The following GOLM2 variants were observed in gnomAD, a reference collection of about 807,000 sequenced individuals.
GOLM2 encodes protein GOLM2.
Under a neutral mutation model 55.9 loss-of-function variants are expected in GOLM2, and 26 were observed. The ratio of observed to expected loss-of-function variants is 0.47; its 90% CI spans 0.34 to 0.65. The LOEUF (loss-of-function observed/expected upper bound fraction) is 0.65. Ranked by LOEUF, GOLM2 falls within the 30% of genes least tolerant of loss-of-function variation. The pLI, the probability that GOLM2 is intolerant of heterozygous loss-of-function variation, is 0.01. For synonymous variants in GOLM2, 165 were observed against 194.6 expected, an observed-to-expected ratio of 0.85 and a Z score of 1.27; for missense variants, 486 against 531.8, an observed-to-expected ratio of 0.91 and a Z score of 0.85.
chr15:44,316,628 G>A lies in GOLM2; in HGVS notation c.328-6337G>A, dbSNP rs893162115. On this transcript the variant is annotated intron_variant, in intron 1 of 9. Coordinates refer to ENST00000299957, the MANE Select transcript of GOLM2 (RefSeq NM_138423.4). ...AACTTAGCTGGGCGTGGTGGCAGGC[G>A]CCTGTAATCCCAGCTGCCCAGGAGG... Among the ~76,000 whole-genome samples the A allele has an allele frequency of 1.6e-4, 25 of 152,076 alleles. No homozygotes were observed. The East Asian group carries it at 1.9e-3, about 12-fold the overall frequency.
chr15:44,379,371 G>A (rs1270074211), intron 6 of GOLM2, among the ~76,000 whole-genome samples: 6 of 152,006 alleles, frequency 3.9e-5, no homozygotes, highest in South Asian at 2.1e-4. Flanking sequence ...TAGCTATTAC[G>A]GAGGCTGAGG....
At chr15:44,391,710 G>A (rs771942146) in intron 8 of GOLM2, among the ~76,000 whole-genome samples, 11 of 152,070 alleles carry the variant, frequency 7.2e-5, no homozygotes, top group African/African-American at 1.9e-4. Context: ...AATGGCCAAT[G>A]TCCTAGAAAA....
At chr15:44,398,748 C>T (rs2079544134) in intron 8 of GOLM2, among the ~76,000 whole-genome samples, 1 of 147,492 alleles carries the variant, frequency 6.8e-6, no homozygotes, top group Non-Finnish European at 1.5e-5. Flanking sequence ...CTCACTGCAA[C>T]CTCCACCTCC....
At position 44,369,116 on chromosome 15, in the gene GOLM2, T is replaced by C. The variant is rs868616515; in HGVS notation, c.803-10574T>C. On this transcript the variant is annotated intron_variant, in intron 6 of 9. Coordinates refer to ENST00000299957, the MANE Select transcript of GOLM2 (RefSeq NM_138423.4). ...ATATATATATATATATATATATATA[T>C]ACCCGGCTACCACACCCGGCCACCT... 5.2e-4 allele frequency among the ~76,000 whole-genome samples: 50 copies of C among 95,772 alleles called. 1 individual carries two copies. The highest frequency in any genetic ancestry group is 1.5e-3 in the African/African-American group (38 of 25,300). The allele number at this position is 95,772 out of a possible 152,430, so 62.8% of individuals were successfully genotyped here.
rs145697443 is a variant in GOLM2 at position 44,380,871 on chromosome 15, C to T, written c.967C>T (p.Arg323Cys). 3.6e-5 allele frequency: 57 copies of T among 1,597,802 alleles called. No individual in the cohort carries two copies. In the African/African-American group the frequency reaches 5.8e-4, roughly 16 times the overall value. Reference protein sequence around the residue: ...SKQNPSSPLQRLIPGSNLDSE... With the variant: ...SKQNPSSPLQCLIPGSNLDSE... ...ACAGAATCCTTCCAGTCCTCTTCAG[C>T]GTTTAATTCCAGGCTCAAACTTGGA... Residue 323 changes from arginine (R) to cysteine (C), a missense_variant, in exon 8 of 10, where the codon CGT (arginine) becomes TGT (cysteine). By Grantham distance (180) the Arg-to-Cys change is radical (BLOSUM62 -3). Transcript: ENST00000299957.
At chr15:44,407,787 T>G (rs1047114486) in intron 9 of GOLM2, among the ~76,000 whole-genome samples, 4 of 150,954 alleles carry the variant, frequency 2.6e-5, no homozygotes, top group Non-Finnish European at 5.9e-5. Flanking sequence ...TTTTTTTTTT[T>G]GTCGCCCAGG....
At chr15:44,335,017 G>A (rs956854700) in intron 4 of GOLM2, among the ~76,000 whole-genome samples, 5 of 152,084 alleles carry the variant, frequency 3.3e-5, no homozygotes, top group East Asian at 1.9e-4. Context: ...ACAGCAGAAC[G>A]AGACTACATC....
chr15:44,369,113 A>G (rs1430202310), intron 6 of GOLM2, among the ~76,000 whole-genome samples: 4 of 105,660 alleles, frequency 3.8e-5, no homozygotes, highest in African/African-American at 3.9e-5. Flanking sequence ...ATATATATAT[A>G]TATACCCGGC....
At chr15:44,352,951 C>T (rs1263715658) in intron 6 of GOLM2, among the ~76,000 whole-genome samples, 1 of 150,264 alleles carries the variant, frequency 6.7e-6, no homozygotes, top group Non-Finnish European at 1.5e-5. Context: ...AGGCAACCCA[C>T]AGAATGGGAG....
In GOLM2 at chr15:44,379,718, T is replaced by G; in HGVS notation, c.831T>G (p.Ser277=). Residue 277 remains serine (S), a synonymous_variant, in exon 7 of 10, where the codon TCT becomes TCG. Transcript: ENST00000299957. ...PALRKPPISV[S]QHESHQAISH... Reference sequence around the variant, plus strand: ...TAAGGAAGCCTCCTATTTCAGTTTCTCAACATGAAAGTCATCAAGCAATCT... The same window carrying G: ...TAAGGAAGCCTCCTATTTCAGTTTCGCAACATGAAAGTCATCAAGCAATCT... The G allele has an allele frequency of 6.2e-7, 1 of 1,604,418 alleles. No homozygotes were observed. The highest frequency in any genetic ancestry group is 8.5e-7 in the Non-Finnish European group (1 of 1,173,786).
At chr15:44,324,061 A>T (rs556204644) in intron 2 of GOLM2, among the ~76,000 whole-genome samples, 1 of 152,342 alleles carries the variant, frequency 6.6e-6, no homozygotes, top group South Asian at 2.1e-4. Context: ...ATATATTAGG[A>T]TGACACAGAA....
chr15:44,369,117 A>G (rs1454248763), intron 6 of GOLM2, among the ~76,000 whole-genome samples: 3 of 94,818 alleles, frequency 3.2e-5, no homozygotes, highest in Admixed American at 1.2e-4. Context: ...ATATATATAT[A>G]CCCGGCTACC....
chr15:44,330,045 G>A (rs1200127224), intron 3 of GOLM2, among the ~76,000 whole-genome samples: 1 of 150,742 alleles, frequency 6.6e-6, no homozygotes, highest in Non-Finnish European at 1.5e-5. Context: ...CGAGTAGCTG[G>A]GACCACAGGT....
intron 9 of GOLM2, among the ~76,000 whole-genome samples, chr15:44,408,614 G>A (rs528221635): frequency 6.6e-6 from 1 of 152,256 alleles, no homozygotes; most frequent in African/African-American, 2.4e-5. Context: ...CGTGAGCTGG[G>A]AGTACATTTG....
chr15:44,346,831 T>C (rs1470023864), intron 6 of GOLM2, among the ~76,000 whole-genome samples: 1 of 152,126 alleles, frequency 6.6e-6, no homozygotes, highest in African/African-American at 2.4e-5. Flanking sequence ...AATCATTATT[T>C]AAAAAAATTA....
At chr15:44,338,028 G>C in intron 5 of GOLM2, 121 bp downstream of exon 5, 1 of 1,042,626 alleles carries the variant, frequency 9.6e-7, no homozygotes, top group Non-Finnish European at 1.4e-6. Flanking sequence ...ACATGATTAA[G>C]TGTCTGCATT....
intron 9 of GOLM2, among the ~76,000 whole-genome samples, chr15:44,403,631 A>G (rs933450315): frequency 6.6e-6 from 1 of 152,186 alleles, no homozygotes; most frequent in African/African-American, 2.4e-5. Context: ...ATCTTCAGAA[A>G]TTTTAGAATT....
intron 9 of GOLM2, among the ~76,000 whole-genome samples, chr15:44,407,967 G>A (rs893480342): frequency 1.3e-5 from 2 of 151,312 alleles, no homozygotes; most frequent in Non-Finnish European, 2.9e-5. Flanking sequence ...GGCCAGGCTG[G>A]TCTTGAACTC....
At chr15:44,295,954 C>G (rs1230220206) in intron 1 of GOLM2, among the ~76,000 whole-genome samples, 3 of 137,898 alleles carry the variant, frequency 2.2e-5, no homozygotes, top group Non-Finnish European at 1.5e-5. Context: ...ACACAGACAC[C>G]CTTTTATTTC....
Sources: gnomAD v4.1 joint callset for allele counts (sites outside exome capture counted in the v4.1 genomes callset) on GRCh38, gnomAD v4.1.1 for gene constraint, MANE v1.5 for transcripts, NCBI Gene and HGNC (gene_info 2026-07-23, HGNC 2026-07-21) for gene names.